LOC400499: variants seen among roughly 807,000 people sequenced by gnomAD.
the LOC400499 span, among the ~76,000 whole-genome samples, chr16:11,448,642 C>T: frequency 6.6e-6 from 1 of 152,144 alleles, no homozygotes. Context: ...GGGGAGGATC[C>T]TTCAAGCCCA....
the LOC400499 span, chr16:11,516,363 C>A: frequency 1.5e-5 from 6 of 398,818 alleles, no homozygotes; most frequent in Admixed American, 8.8e-5. Flanking sequence ...AGGCCACTTG[C>A]AGACTGCCAG....
At chr16:11,456,681 G>A in the LOC400499 span, among the ~76,000 whole-genome samples, 2 of 152,200 alleles carry the variant, frequency 1.3e-5, no homozygotes, top group Non-Finnish European at 2.9e-5. Context: ...TCCCGCCTTG[G>A]CCTCCCACAG....
chr16:11,423,309 G>C, the LOC400499 span: 1 of 399,140 alleles, frequency 2.5e-6, no homozygotes, highest in Non-Finnish European at 4.4e-6. Context: ...ACCCCAGAGT[G>C]AACCGTCGTG....
the LOC400499 span, among the ~76,000 whole-genome samples, chr16:11,408,767 CT>C: frequency 6.6e-6 from 1 of 152,052 alleles, no homozygotes; most frequent in Admixed American, 6.6e-5. Flanking sequence ...CCAGTTGGGA[CT>C]TTTCTGAAGG....
the LOC400499 span, among the ~76,000 whole-genome samples, chr16:11,437,846 G>A: frequency 6.6e-6 from 1 of 152,216 alleles, no homozygotes; most frequent in African/African-American, 2.4e-5. Flanking sequence ...TCCAGCTTGG[G>A]TGACAGAGCG....
the LOC400499 span, among the ~76,000 whole-genome samples, chr16:11,441,685 G>A: frequency 6.6e-6 from 1 of 152,232 alleles, no homozygotes; most frequent in Admixed American, 6.5e-5. Context: ...ACGGAGGCAG[G>A]AGGGTCAGAG....
the LOC400499 span, among the ~76,000 whole-genome samples, chr16:11,489,539 TC>T: frequency 1.3e-5 from 2 of 151,774 alleles, no homozygotes; most frequent in Non-Finnish European, 2.9e-5. Flanking sequence ...CCCCCAACCC[TC>T]CCCCCATTGT....
At chr16:11,472,983 G>C in the LOC400499 span, 3 of 151,972 alleles carry the variant, frequency 2.0e-5, no homozygotes, top group African/African-American at 7.3e-5. Flanking sequence ...AAAAAAATTA[G>C]CCAGGCGTGG....
chr16:11,508,434 T>C, the LOC400499 span, among the ~76,000 whole-genome samples: 1 of 152,038 alleles, frequency 6.6e-6, no homozygotes, highest in South Asian at 2.1e-4. Flanking sequence ...AGACTGTGAG[T>C]CAAAAGGACT....
chr16:11,422,888 C>G, the LOC400499 span, among the ~76,000 whole-genome samples: 1 of 152,236 alleles, frequency 6.6e-6, no homozygotes, highest in Non-Finnish European at 1.5e-5. Context: ...CTGCCCATGA[C>G]AGAGGTGGGC....
chr16:11,387,033 G>A, the LOC400499 span: 1 of 1,118,912 alleles, frequency 8.9e-7, no homozygotes, highest in Non-Finnish European at 1.1e-6. Context: ...GATGCTACTA[G>A]CCTATGGAGG....
chr16:11,488,785 G>A, the LOC400499 span: 76 of 398,868 alleles, frequency 1.9e-4, no homozygotes, highest in Admixed American at 7.9e-4. Context: ...GGATGTCCTC[G>A]GGGAGGGTGT....
At chr16:11,494,990 C>G in the LOC400499 span, among the ~76,000 whole-genome samples, 9 of 152,274 alleles carry the variant, frequency 5.9e-5, no homozygotes, top group East Asian at 1.7e-3. Flanking sequence ...AGGTGGATCA[C>G]CTGAGGTCAG....
At chr16:11,424,443 G>T in the LOC400499 span, 9 of 398,648 alleles carry the variant, frequency 2.3e-5, no homozygotes, top group Non-Finnish European at 3.5e-5. Flanking sequence ...ACGGGGGCCT[G>T]GCCAGCACAC....
chr16:11,484,667 C>T, the LOC400499 span, among the ~76,000 whole-genome samples: 1 of 152,090 alleles, frequency 6.6e-6, no homozygotes, highest in African/African-American at 2.4e-5. Flanking sequence ...AACTTAGGGA[C>T]TTTTCCATGC....
At chr16:11,477,533 C>A in the LOC400499 span, among the ~76,000 whole-genome samples, 1 of 152,206 alleles carries the variant, frequency 6.6e-6, no homozygotes, top group African/African-American at 2.4e-5. Context: ...AAGGCTACCT[C>A]CTCTCCTCCC....
At chr16:11,423,856 C>A in the LOC400499 span, among the ~76,000 whole-genome samples, 1 of 152,218 alleles carries the variant, frequency 6.6e-6, no homozygotes, top group African/African-American at 2.4e-5. Context: ...GGGCACCCAA[C>A]CCACTCACCT....
the LOC400499 span, among the ~76,000 whole-genome samples, chr16:11,449,562 G>A: frequency 6.6e-6 from 1 of 152,170 alleles, no homozygotes; most frequent in African/African-American, 2.4e-5. Flanking sequence ...CCTGGCACAA[G>A]CCCCCCATGG....
the LOC400499 span, among the ~76,000 whole-genome samples, chr16:11,441,777 C>T: frequency 6.6e-6 from 1 of 152,096 alleles, no homozygotes; most frequent in African/African-American, 2.4e-5. Context: ...CAGGCAGCTT[C>T]CACAAGCTGG....
Sources: gnomAD v4.1 joint callset for allele counts (sites outside exome capture counted in the v4.1 genomes callset) on GRCh38, gnomAD v4.1.1 for gene constraint, MANE v1.5 for transcripts.